Variants in EFR3A observed in about 807,000 individuals in gnomAD.
EFR3A encodes the protein protein EFR3 homolog A.
Under a neutral mutation model 104.4 loss-of-function variants are expected in EFR3A, and 76 were observed. The observed-to-expected ratio is 0.73, with a 90% CI of 0.60 to 0.88. The LOEUF is 0.88. Ranked by LOEUF, EFR3A falls within the 40% of genes least tolerant of loss-of-function variation. EFR3A has a pLI of 0.00. For missense variants in EFR3A, 985 were observed against 1,012.5 expected, an observed-to-expected ratio of 0.97 and a Z score of 0.37; for synonymous variants, 330 against 330.0, an observed-to-expected ratio of 1.00 and a Z score of 0.00.
At chr8:131,960,372 A>G (rs180835196) in intron 8 of EFR3A, among the ~76,000 whole-genome samples, 1 of 152,226 alleles carries the variant, frequency 6.6e-6, no homozygotes, top group African/African-American at 2.4e-5. Flanking sequence ...TCACAGGGCC[A>G]ACTGCAGGAC....
At chr8:131,920,775 A>G (rs962623789) in intron 1 of EFR3A, among the ~76,000 whole-genome samples, 1 of 151,924 alleles carries the variant, frequency 6.6e-6, no homozygotes, top group Non-Finnish European at 1.5e-5. Flanking sequence ...AACGAGATCC[A>G]TGCTCCATGC....
rs1228458868 is a variant in EFR3A at position 131,970,458 on chromosome 8, A to T, written c.992-18A>T. On this transcript the variant is annotated intron_variant, in intron 9 of 22. Transcript: ENST00000254624. ...ATACTAGAAACATGTATCTTCTCACATAAGTGATCCTTTATAGGTCCGACA... is the reference window on the plus strand; with the variant it reads ...ATACTAGAAACATGTATCTTCTCACTTAAGTGATCCTTTATAGGTCCGACA... 6 of 1,610,200 alleles carry T rather than the reference A, an allele frequency of 3.7e-6. No homozygotes were observed. The highest frequency in any genetic ancestry group is 1.7e-5 in the Admixed American group (1 of 59,482).
At chr8:131,949,070 G>A (rs1809633045) in intron 4 of EFR3A, among the ~76,000 whole-genome samples, 1 of 151,790 alleles carries the variant, frequency 6.6e-6, no homozygotes, top group Non-Finnish European at 1.5e-5. Context: ...GCATAATATA[G>A]TATAGCTATA....
At chr8:131,950,251 G>A (rs1034385228) in intron 5 of EFR3A, among the ~76,000 whole-genome samples, 161 bp downstream of exon 5, 4 of 152,104 alleles carry the variant, frequency 2.6e-5, no homozygotes, top group Admixed American at 1.3e-4. Context: ...AGCAAAATGA[G>A]AATGGTTTTC....
intron 1 of EFR3A, among the ~76,000 whole-genome samples, chr8:131,929,853 C>T (rs976329772): frequency 2.0e-5 from 3 of 152,102 alleles, no homozygotes; most frequent in Non-Finnish European, 4.4e-5. Flanking sequence ...TGAAGCAAGT[C>T]AAAATACCAG....
chr8:131,933,884 G>A (rs1470206165), intron 1 of EFR3A, among the ~76,000 whole-genome samples: 1 of 151,798 alleles, frequency 6.6e-6, no homozygotes, highest in Non-Finnish European at 1.5e-5. Flanking sequence ...CTATTATAGA[G>A]CAAAGTATTG....
chr8:131,942,602 A>G (rs574285884), intron 2 of EFR3A, among the ~76,000 whole-genome samples: 53 of 152,264 alleles, frequency 3.5e-4, no homozygotes, highest in Admixed American at 1.5e-3. Context: ...CCTAATGTCT[A>G]TCATTGTGCC....
chr8:131,947,025 G>A (rs939979226), intron 4 of EFR3A, among the ~76,000 whole-genome samples: 13 of 151,924 alleles, frequency 8.6e-5, no homozygotes, highest in Admixed American at 2.0e-4. Flanking sequence ...GTTTTTGTGT[G>A]GATGTATGTT....
intron 1 of EFR3A, among the ~76,000 whole-genome samples, chr8:131,909,067 T>C (rs1238437675): frequency 6.6e-6 from 1 of 152,250 alleles, no homozygotes; most frequent in Admixed American, 6.5e-5. Flanking sequence ...TACTCTGTTA[T>C]CAGACATTAG....
intron 10 of EFR3A, among the ~76,000 whole-genome samples, chr8:131,973,427 A>T (rs1820173961): frequency 6.6e-6 from 1 of 152,106 alleles, no homozygotes; most frequent in African/African-American, 2.4e-5. Context: ...TAGAATATTT[A>T]ATGTATTGTT....
chr8:131,940,115 A>G (rs1182350644), intron 1 of EFR3A: 3 of 186,324 alleles, frequency 1.6e-5, no homozygotes, highest in Non-Finnish European at 3.4e-5. Flanking sequence ...GAGGGGGTCT[A>G]GCTGGTTAGA....
intron 14 of EFR3A, among the ~76,000 whole-genome samples, chr8:131,983,309 A>C (rs1376022851): frequency 6.6e-6 from 1 of 152,082 alleles, no homozygotes; most frequent in Admixed American, 6.6e-5. Context: ...GACCAGTTAC[A>C]TCATATTGGA....
chr8:131,984,761 G>C (rs976523780), intron 15 of EFR3A, among the ~76,000 whole-genome samples, 168 bp from the exon 16 acceptor site: 1 of 152,160 alleles, frequency 6.6e-6, no homozygotes, highest in Non-Finnish European at 1.5e-5. Context: ...TAACTCTCTT[G>C]TAAAAGAACA....
At position 131,904,213 on chromosome 8, in the gene EFR3A, C is replaced by T; in HGVS notation, c.-100C>T. 1 of 1,230,764 alleles carries T rather than the reference C, an allele frequency of 8.1e-7. No individual in the cohort carries two copies. The highest frequency in any genetic ancestry group is 1.0e-6 in the Non-Finnish European group (1 of 977,710). 76.2% of individuals were successfully genotyped at this position (1,230,764 alleles called of 1,614,324 possible). On this transcript the variant is annotated 5_prime_UTR_variant, in exon 1 of 23. Coordinates refer to ENST00000254624, the MANE Select transcript of EFR3A (RefSeq NM_015137.6). The stretch of plus-strand genomic sequence containing the variant: ...TTCGCCCTTCGCCCTTCGCCTCGTT[C>T]CGGCCTCCGCGGCCCAGCAACGGCC...
intron 18 of EFR3A, among the ~76,000 whole-genome samples, chr8:131,995,772 TTAGC>T (rs1821445512): frequency 6.6e-6 from 1 of 152,160 alleles, no homozygotes; most frequent in African/African-American, 2.4e-5. Flanking sequence ...CAAAAGTAGA[TTAGC>T]TAGAGCACTC....
intron 8 of EFR3A, among the ~76,000 whole-genome samples, chr8:131,966,872 T>C (rs1298375258): frequency 6.6e-6 from 1 of 152,202 alleles, no homozygotes; most frequent in Non-Finnish European, 1.5e-5. Flanking sequence ...TTACGTCTTC[T>C]CACTTTCCTT....
intron 10 of EFR3A, among the ~76,000 whole-genome samples, chr8:131,972,080 C>G (rs570006974): frequency 6.6e-6 from 1 of 152,068 alleles, no homozygotes; most frequent in African/African-American, 2.4e-5. Flanking sequence ...CAGGGGCCCC[C>G]TTTTCTACCT....
chr8:131,988,706 C>CA (rs1264983995), intron 18 of EFR3A, among the ~76,000 whole-genome samples: 1 of 151,924 alleles, frequency 6.6e-6, no homozygotes, highest in African/African-American at 2.4e-5. Context: ...TTCCTTCAAG[C>CA]AAAAAACCTC....
At chr8:131,921,276 C>T (rs771920536) in intron 1 of EFR3A, among the ~76,000 whole-genome samples, 4 of 152,088 alleles carry the variant, frequency 2.6e-5, no homozygotes, top group Admixed American at 6.5e-5. Context: ...ATCTCCCTGG[C>T]TTTTATATAG....
Sources: gnomAD v4.1 joint callset for allele counts (sites outside exome capture counted in the v4.1 genomes callset) on GRCh38, gnomAD v4.1.1 for gene constraint, MANE v1.5 for transcripts, NCBI Gene and HGNC (gene_info 2026-07-23, HGNC 2026-07-21) for gene names.